Variants in GSDMA observed in about 807,000 individuals in gnomAD.
GSDMA encodes gasdermin A, also known as gasdermin-A.
A neutral mutation model predicts 54.3 loss-of-function variants in GSDMA; 55 were observed. The ratio of observed to expected loss-of-function variants is 1.01; its 90% CI spans 0.82 to 1.27. GSDMA has a LOEUF of 1.27. Ranked by LOEUF, GSDMA falls within the 50% of genes most tolerant of loss-of-function variation. GSDMA has a pLI of 0.00. For missense variants in GSDMA, 542 were observed against 542.6 expected, an observed-to-expected ratio of 1.00 and a Z score of 0.01; for synonymous variants, 211 against 224.7, an observed-to-expected ratio of 0.94 and a Z score of 0.54.
At chr17:39,967,839 A>C (rs1979738650) in intron 3 of GSDMA, among the ~76,000 whole-genome samples, 1 of 151,058 alleles carries the variant, frequency 6.6e-6, no homozygotes, top group Non-Finnish European at 1.5e-5. Context: ...CGCCCGGATA[A>C]TTTTTTATTT....
intron 9 of GSDMA, among the ~76,000 whole-genome samples, 186 bp downstream of exon 9, chr17:39,974,613 T>G (rs1980118293): frequency 6.6e-6 from 1 of 152,140 alleles, no homozygotes; most frequent in Non-Finnish European, 1.5e-5. Context: ...CCACTGCTCC[T>G]CCCTTTGTCC....
chr17:39,963,419 C>T (rs1979501843), intron 1 of GSDMA, among the ~76,000 whole-genome samples: 1 of 151,850 alleles, frequency 6.6e-6, no homozygotes, highest in Non-Finnish European at 1.5e-5. Context: ...CCCCCTGCTG[C>T]TGTGAAGTGC....
In GSDMA at chr17:39,972,109, C is replaced by T. The variant is rs780092053; in HGVS notation, c.656-20C>T. ...CAGCTGCTAAGTGTCCTCCCACCCTCCCTCCCTTGCCCTTCACAGATATTC... is the reference window on the plus strand; with the variant it reads ...CAGCTGCTAAGTGTCCTCCCACCCTTCCTCCCTTGCCCTTCACAGATATTC... On this transcript the variant is annotated intron_variant, in intron 5 of 11. Transcript: ENST00000301659. The T allele has an allele frequency of 1.8e-6, 2 of 1,112,058 alleles. No homozygotes were observed. The highest frequency in any genetic ancestry group is 2.7e-6 in the Non-Finnish European group (2 of 735,772). 68.9% of individuals were successfully genotyped at this position (1,112,058 alleles called of 1,614,324 possible).
intron 3 of GSDMA, among the ~76,000 whole-genome samples, chr17:39,968,337 G>GCCTTT (rs1979765148): frequency 1.7e-5 from 1 of 59,838 alleles, no homozygotes; most frequent in African/African-American, 1.5e-4. Context: ...ACTGAGCCCG[G>GCCTTT]TCTTTTTTTT....
intron 1 of GSDMA, among the ~76,000 whole-genome samples, chr17:39,963,665 C>A (rs998999152): frequency 1.3e-5 from 2 of 152,094 alleles, no homozygotes; most frequent in African/African-American, 4.8e-5. Context: ...ACCAGCCTGG[C>A]CAACATGGTG....
At chr17:39,966,498 T>G in intron 3 of GSDMA, 61 bp downstream of exon 3, 1 of 1,419,978 alleles carries the variant, frequency 7.0e-7, no homozygotes, top group Non-Finnish European at 9.6e-7. Context: ...ATGGAAATGG[T>G]GCTTGGGGCC....
intron 3 of GSDMA, among the ~76,000 whole-genome samples, chr17:39,969,400 GA>G (rs1183934198): frequency 2.0e-5 from 3 of 151,026 alleles, no homozygotes; most frequent in African/African-American, 7.3e-5. Context: ...GGAGCTTTTA[GA>G]GGGAGTTGAG....
At chr17:39,968,387 G>T (rs1979774390) in intron 3 of GSDMA, among the ~76,000 whole-genome samples, 1 of 112,466 alleles carries the variant, frequency 8.9e-6, no homozygotes, top group South Asian at 3.1e-4. Context: ...TCTCTCTGTT[G>T]CACAGGCTGG....
At chr17:39,973,199 C>T (rs1980038365) in intron 7 of GSDMA, among the ~76,000 whole-genome samples, 2 of 151,826 alleles carry the variant, frequency 1.3e-5, no homozygotes, top group South Asian at 4.2e-4. Flanking sequence ...TCTTGAACTC[C>T]TGACCTCAGG....
At position 39,966,220 on chromosome 17, in the gene GSDMA, C is replaced by T. The variant is rs1200235701; in HGVS notation, c.215-40C>T. 1.7e-5 allele frequency: 27 copies of T among 1,607,884 alleles called. No homozygotes were observed. The Admixed American group carries it at 2.7e-4, about 16-fold the overall frequency. ...GGGATTACAGGCATGAGTTACTGCA[C>T]CCAGCCAGCCCAGCCCCTTTTGTCT... On this transcript the variant is annotated intron_variant, in intron 2 of 11. Coordinates refer to ENST00000301659, the MANE Select transcript of GSDMA (RefSeq NM_178171.5).
Position 39,972,578 on chromosome 17 carries a change from T to G in GSDMA, c.704-9T>G. The G allele has an allele frequency of 6.2e-7, 1 of 1,612,938 alleles. No homozygotes were observed. On this transcript the variant is annotated splice_polypyrimidine_tract_variant and intron_variant, in intron 6 of 11. Transcript: ENST00000301659. ...TGTGCTGACAGATGTGCATTTTTTC[T>G]GTCTTCAGAAAAGTCAGGAGAGGAG...
intron 9 of GSDMA, 27 bp from the exon 10 acceptor site, chr17:39,974,873 T>A (rs1382603299): frequency 4.4e-6 from 6 of 1,373,900 alleles, no homozygotes; most frequent in Middle Eastern, 1.9e-4. Context: ...TATGTTATCT[T>A]CAATAGTCGC....
chr17:39,972,115 C>CCT lies in GSDMA; in HGVS notation c.656-14_656-13insCT. The CCT allele has an allele frequency of 6.8e-7, 1 of 1,461,894 alleles. No homozygotes were observed. The highest frequency in any genetic ancestry group is 9.5e-7 in the Non-Finnish European group (1 of 1,049,974). 90.6% of individuals were successfully genotyped at this position (1,461,894 alleles called of 1,614,324 possible). ...CTAAGTGTCCTCCCACCCTCCCTCC[C>CCT]TTGCCCTTCACAGATATTCCACATA... On this transcript the variant is annotated splice_polypyrimidine_tract_variant and intron_variant, in intron 5 of 11. Coordinates refer to ENST00000301659, the MANE Select transcript of GSDMA (RefSeq NM_178171.5).
At position 39,975,411 on chromosome 17, in the gene GSDMA, T is replaced by G. The variant is rs1020121497; in HGVS notation, c.1021+397T>G. ...GTGCAGTGAGCCGAGATCACTCCAT[T>G]GCACTCCAGCCTGGGCAACAGAGCG... On this transcript the variant is annotated intron_variant, in intron 10 of 11. Transcript: ENST00000301659. Among the ~76,000 whole-genome samples the G allele has an allele frequency of 8.7e-5, 13 of 150,108 alleles. No homozygotes were observed. The South Asian group carries it at 1.1e-3, about 12-fold the overall frequency.
intron 3 of GSDMA, 67 bp from the exon 4 acceptor site, chr17:39,970,415 A>T: frequency 7.4e-7 from 1 of 1,356,784 alleles, no homozygotes; most frequent in South Asian, 1.7e-5. Context: ...TGACAGAAGG[A>T]AAGAGGAGGG....
intron 4 of GSDMA, among the ~76,000 whole-genome samples, 193 bp downstream of exon 4, chr17:39,970,840 G>T (rs750311817): frequency 5.3e-5 from 8 of 152,146 alleles, no homozygotes; most frequent in Non-Finnish European, 1.2e-4. Context: ...CCCCCTCCCT[G>T]GTCAGTGGCA....
rs988714120 is a variant in GSDMA at position 39,974,948 on chromosome 17, C to T, written c.955C>T (p.Pro319Ser). 9 of 1,612,618 alleles carry T rather than the reference C, an allele frequency of 5.6e-6. No individual in the cohort carries two copies. Among genetic ancestry groups the T allele is most frequent in the Non-Finnish European group, 7.6e-6 (9 of 1,179,460 alleles). ...KGHEVTLEAL[P>S]KDVLLSKEAV... is the part of the protein sequence containing the mutation. ...ACATGAAGTGACCCTGGAGGCACTC[C>T]CAAAAGATGTCCTGCTATCAAAGGA... The change falls in exon 10 of 12, where the codon CCA becomes TCA. Residue 319 changes from proline (P) to serine (S), a missense_variant. Pro to Ser is a moderately conservative substitution (Grantham distance 74, BLOSUM62 -1). Coordinates refer to ENST00000301659, the MANE Select transcript of GSDMA (RefSeq NM_178171.5).
At chr17:39,972,396 G>A (rs1044391440) in intron 6 of GSDMA, among the ~76,000 whole-genome samples, 191 bp from the exon 7 acceptor site, 9 of 152,162 alleles carry the variant, frequency 5.9e-5, no homozygotes, top group Non-Finnish European at 1.0e-4. Context: ...GACAGAGACC[G>A]GAAGGCACAG....
intron 1 of GSDMA, among the ~76,000 whole-genome samples, chr17:39,964,305 A>ACACCTGTAATCACAGTACTTTGGG (rs1979537124): frequency 6.6e-6 from 1 of 152,164 alleles, no homozygotes; most frequent in African/African-American, 2.4e-5. Context: ...ACAGAGGCTC[A>ACACCTGTAATCACAGTACTTTGGG]CACCTGTAAT....
Sources: allele counts gnomAD v4.1 joint callset (sites outside exome capture counted in the v4.1 genomes callset), GRCh38; gene constraint gnomAD v4.1.1; transcripts MANE v1.5; gene names NCBI Gene and HGNC (gene_info 2026-07-23, HGNC 2026-07-21).